Variants in BOP1 observed in about 807,000 individuals in gnomAD.
BOP1 encodes BOP1 ribosomal biogenesis factor.
A neutral mutation model predicts 82.9 loss-of-function variants in BOP1; 54 were observed. The ratio of observed to expected loss-of-function variants is 0.65; its 90% CI spans 0.52 to 0.82. The LOEUF (loss-of-function observed/expected upper bound fraction) is 0.82. Ranked by LOEUF, BOP1 falls within the 40% of genes least tolerant of loss-of-function variation. BOP1 has a pLI of 0.00. For synonymous variants in BOP1, 566 were observed against 451.1 expected (o/e 1.25, Z -3.23); for missense variants, 1,170 against 1,072.0 (o/e 1.09, Z -1.28).
At chr8:144,262,814 C>CA (rs1491510670) in intron 13 of BOP1, 39 bp downstream of exon 13, 27 of 809,600 alleles carry the variant, frequency 3.3e-5, no homozygotes, top group Non-Finnish European at 4.3e-5. Flanking sequence ...CCCCCCCCCC[C>CA]ACCCCTCACC....
intron 2 of BOP1, among the ~76,000 whole-genome samples, chr8:144,282,790 G>C (rs551065964): frequency 6.6e-6 from 1 of 152,062 alleles, no homozygotes; most frequent in East Asian, 1.9e-4. Context: ...ACAGTCAGGG[G>C]AGGAGCTGCA....
intron 3 of BOP1, chr8:144,268,052 A>C: frequency 6.5e-7 from 1 of 1,549,256 alleles, no homozygotes; most frequent in Non-Finnish European, 8.7e-7. Context: ...AGAGAGGCGC[A>C]GACTGGCGCT....
intron 2 of BOP1, among the ~76,000 whole-genome samples, chr8:144,288,876 C>G (rs1554839760): frequency 1.3e-5 from 2 of 152,238 alleles, no homozygotes; most frequent in East Asian, 3.8e-4. Flanking sequence ...CGGGGAAGGG[C>G]CTAGGCATGT....
chr8:144,264,123 T>C lies in BOP1; in HGVS notation c.998A>G (p.Gln333Arg). Reference sequence around the variant, plus strand: ...GCTCAGCTTCCTCTCGCCTGGCTCCTGCTGTTCCCACGCCAAGCGCTGTGG... The same window carrying C: ...GCTCAGCTTCCTCTCGCCTGGCTCCCGCTGTTCCCACGCCAAGCGCTGTGG... Reference protein sequence around the residue: ...SEEERLAWEQQEPGERKLSFL... With the variant: ...SEEERLAWEQREPGERKLSFL... Residue 333 changes from glutamine to arginine, a missense_variant, in exon 8 of 16, where the codon CAG (glutamine) becomes CGG (arginine). Physicochemically the swap from Gln to Arg is conservative, Grantham distance 43 (BLOSUM62 1). Coordinates refer to ENST00000569669, the MANE Select transcript of BOP1 (RefSeq NM_015201.5). The C allele has an allele frequency of 6.2e-7, 1 of 1,610,654 alleles. No homozygotes were observed. Among genetic ancestry groups the C allele is most frequent in the Non-Finnish European group, 8.5e-7 (1 of 1,179,320 alleles).
intron 3 of BOP1, chr8:144,266,688 C>A: frequency 8.1e-7 from 1 of 1,238,118 alleles, no homozygotes; most frequent in South Asian, 1.5e-5. Flanking sequence ...TGTCGGAGGA[C>A]GAGGACCGCG....
In BOP1 at chr8:144,263,827, T is replaced by C. The variant is rs1176208556; in HGVS notation, c.1221+4A>G. ...GCAACCCCAGCCCCCTAGTCTCCAC[T>C]TACCAGGGCCTGGCACGTGGGGAAG... is the stretch of plus-strand genomic sequence containing the variant. On this transcript the variant is annotated splice_donor_region_variant and intron_variant, in intron 9 of 15. Transcript: ENST00000569669. 1.2e-6 allele frequency: 2 copies of C among 1,610,868 alleles called. No individual in the cohort carries two copies. Among genetic ancestry groups the C allele is most frequent in the African/African-American group, 2.7e-5 (2 of 74,824 alleles).
At chr8:144,270,456 C>A (rs2130224224) in intron 3 of BOP1, among the ~76,000 whole-genome samples, 1 of 152,282 alleles carries the variant, frequency 6.6e-6, no homozygotes, top group Admixed American at 6.5e-5. Flanking sequence ...ACAGCCAAGC[C>A]CTCCGCTGCG....
intron 2 of BOP1, among the ~76,000 whole-genome samples, chr8:144,279,085 ACCAAGGG>A (rs1554838641): frequency 1.3e-4 from 5 of 39,842 alleles, no homozygotes; most frequent in Non-Finnish European, 2.6e-4. Flanking sequence ...GGCCATGACC[ACCAAGGG>A]CCATGACCGT....
chr8:144,263,096 C>G lies in BOP1; in HGVS notation c.1651G>C (p.Val551Leu), dbSNP rs957213891. 6.3e-7 allele frequency: 1 copy of G among 1,592,326 alleles called. No homozygotes were observed. ...TWHGRGDYLAVVLATQGHTQV... is the reference protein window; with the variant it reads ...TWHGRGDYLALVLATQGHTQV... ...GTGTGGCCTTGGGTGGCCAGCACCA[C>G]GGCCAGGTAGTCCCCACGCCCGTGC... The change falls in exon 13 of 16, where the codon GTG becomes CTG. Residue 551 changes from valine (V) to leucine (L), a missense_variant. Val to Leu is a conservative substitution (Grantham distance 32, BLOSUM62 1). Transcript: ENST00000569669.
chr8:144,280,162 G>A (rs587775812), intron 2 of BOP1, among the ~76,000 whole-genome samples: 20 of 152,324 alleles, frequency 1.3e-4, no homozygotes, highest in African/African-American at 4.8e-4. Context: ...TCCCCCATGG[G>A]GGCCAAGAAG....
intron 5 of BOP1, 36 bp from the exon 6 acceptor site, chr8:144,264,652 G>T: frequency 6.4e-7 from 1 of 1,570,682 alleles, no homozygotes; most frequent in Non-Finnish European, 8.6e-7. Flanking sequence ...GGCCAGAGTG[G>T]CTGAGGCCCT....
chr8:144,284,022 C>A (rs1403481667), intron 2 of BOP1, among the ~76,000 whole-genome samples: 1 of 152,116 alleles, frequency 6.6e-6, no homozygotes, highest in African/African-American at 2.4e-5. Context: ...GAGGCTGAGG[C>A]GGGAGAATCA....
chr8:144,284,216 T>C (rs1250477907), intron 2 of BOP1, among the ~76,000 whole-genome samples: 4 of 152,168 alleles, frequency 2.6e-5, no homozygotes, highest in Non-Finnish European at 5.9e-5. Context: ...GAGGATCCCT[T>C]GAGCCCAGGA....
At chr8:144,266,104 G>A (rs1183706647) in intron 3 of BOP1, 1 of 152,460 alleles carries the variant, frequency 6.6e-6, no homozygotes, top group Non-Finnish European at 1.5e-5. Flanking sequence ...AAGACAGACA[G>A]GGTGCGGTCA....
intron 2 of BOP1, among the ~76,000 whole-genome samples, chr8:144,286,576 G>A (rs1434532370): frequency 6.9e-6 from 1 of 144,058 alleles, no homozygotes; most frequent in Non-Finnish European, 1.5e-5. Flanking sequence ...CACAGGACAC[G>A]CGGGCAGATG....
Position 144,289,206 on chromosome 8 carries a change from G to A in BOP1, c.198C>T (p.Ser66=), listed in dbSNP as rs782121207. Residue 66 remains serine (S), a synonymous_variant, in exon 2 of 16, where the codon TCC becomes TCT. Transcript: ENST00000569669. The part of the protein sequence containing the change: ...EESVFSGLED[S]GSDSSEDDDE... ...CATCATCCTCACTGCTGTCACTGCC[G>A]GAATCTTCCAGGCCTGAGAACACAC... The A allele has an allele frequency of 2.0e-5, 32 of 1,613,914 alleles. No homozygotes were observed. Among genetic ancestry groups the A allele is most frequent in the Middle Eastern group, 1.6e-4 (1 of 6,084 alleles).
chr8:144,268,241 G>A (rs1195812000), intron 3 of BOP1: 4 of 1,514,318 alleles, frequency 2.6e-6, no homozygotes, highest in Non-Finnish European at 3.6e-6. Flanking sequence ...GCTGGGCAAG[G>A]CCCACCGCAA....
intron 3 of BOP1, among the ~76,000 whole-genome samples, chr8:144,266,285 G>GC: frequency 6.6e-6 from 1 of 152,156 alleles, no homozygotes; most frequent in East Asian, 1.9e-4. Flanking sequence ...ACGGAACGAT[G>GC]CCCCCAAAGA....
chr8:144,266,636 C>T (rs1845373327), intron 3 of BOP1: 11 of 1,235,272 alleles, frequency 8.9e-6, no homozygotes, highest in Non-Finnish European at 1.1e-5. Context: ...ACGCTGCGCC[C>T]GGCGCCGCCG....
Sources: gnomAD v4.1 joint callset for allele counts (sites outside exome capture counted in the v4.1 genomes callset) on GRCh38, gnomAD v4.1.1 for gene constraint, MANE v1.5 for transcripts, NCBI Gene and HGNC (gene_info 2026-07-23, HGNC 2026-07-21) for gene names.